The following HK1 variants were observed in gnomAD, a reference collection of about 807,000 sequenced individuals.
HK1 encodes hexokinase-1.
A neutral mutation model predicts 91.6 loss-of-function variants in HK1; 28 were observed. That is an observed-to-expected ratio of 0.31 (90% confidence interval 0.23 to 0.42). The LOEUF (loss-of-function observed/expected upper bound fraction) is 0.42, where lower values mean the gene tolerates loss of function less well. Ranked by LOEUF, HK1 falls within the 10% of genes least tolerant of loss-of-function variation. The pLI is 1.00. For missense variants in HK1, 770 were observed against 1,219.8 expected (o/e 0.63, Z 5.49); for synonymous variants, 430 against 468.1 (o/e 0.92, Z 1.05).
intron 4 of HK1, among the ~76,000 whole-genome samples, chr10:69,297,101 T>C (rs1040066882): frequency 3.9e-5 from 6 of 152,182 alleles, no homozygotes; most frequent in African/African-American, 1.4e-4. Flanking sequence ...AAAACCAAAC[T>C]GCTAAAACTA....
intron 5 of HK1, among the ~76,000 whole-genome samples, chr10:69,309,329 C>T (rs1294768340): frequency 6.7e-6 from 1 of 150,302 alleles, no homozygotes; most frequent in Non-Finnish European, 1.5e-5. Flanking sequence ...CTACAGGCAC[C>T]CGCCACCACG....
intron 1 of HK1, among the ~76,000 whole-genome samples, chr10:69,320,513 G>A (rs1846951873): frequency 6.6e-6 from 1 of 152,170 alleles, no homozygotes; most frequent in Admixed American, 6.5e-5. Flanking sequence ...GCGGGTGTGT[G>A]CATTTCATGA....
intron 3 of HK1, among the ~76,000 whole-genome samples, chr10:69,361,603 A>G (rs541352141): frequency 1.3e-5 from 2 of 152,136 alleles, no homozygotes; most frequent in Non-Finnish European, 2.9e-5. Flanking sequence ...TTGACCTTTT[A>G]GGAGCAAGGT....
chr10:69,285,145 A>G (rs879354322), intron 2 of HK1, among the ~76,000 whole-genome samples: 4 of 152,116 alleles, frequency 2.6e-5, no homozygotes, highest in Admixed American at 1.3e-4. Context: ...TAAAAAAACA[A>G]ACAAACAGGC....
intron 1 of HK1, among the ~76,000 whole-genome samples, chr10:69,325,462 A>T (rs1847292820): frequency 6.7e-6 from 1 of 150,164 alleles, no homozygotes; most frequent in South Asian, 2.1e-4. Flanking sequence ...GGTTCAAGCG[A>T]TTCTCCTGCC....
At position 69,401,159 on chromosome 10, in the gene HK1, G is replaced by A. The variant is rs1399735466; in HGVS notation, c.*24G>A. On this transcript the variant is annotated 3_prime_UTR_variant, in exon 18 of 18. Transcript: ENST00000359426. The stretch of plus-strand genomic sequence containing the variant: ...AAGAGTCCGGGATCCCCAGCCTACT[G>A]CCTCTCCAGCACTTCTCTCTTCAAG... 9.9e-6 allele frequency: 16 copies of A among 1,608,616 alleles called. No individual in the cohort carries two copies. Among genetic ancestry groups the A allele is most frequent in the East Asian group, 2.2e-5 (1 of 44,730 alleles).
At position 69,369,147 on chromosome 10, in the gene HK1, A is replaced by G. The variant is rs1433901682; in HGVS notation, c.592-90A>G. 8 of 929,184 alleles carry G rather than the reference A, an allele frequency of 8.6e-6. No individual in the cohort carries two copies. The highest frequency in any genetic ancestry group is 1.2e-5 in the Non-Finnish European group (7 of 568,538). 57.6% of individuals were successfully genotyped at this position (929,184 alleles called of 1,614,324 possible). A position where few individuals can be genotyped will look rare whatever the true frequency, so the allele number is the denominator to read the frequency against. On this transcript the variant is annotated intron_variant, in intron 5 of 17. Coordinates refer to ENST00000359426, the MANE Select transcript of HK1 (RefSeq NM_000188.3). The surrounding 1 kb of genome is among the most constrained non-coding windows in gnomAD (Gnocchi z 4.4). ...CACTCACAAAAGCAGGGGTTCTGAA[A>G]ACGGGAGCACTTCTGCCAAGCGCTG...
Position 69,359,255 on chromosome 10 carries a change from T to C in HK1, c.227-642T>C, listed in dbSNP as rs78282113. On this transcript the variant is annotated intron_variant, in intron 2 of 17. Transcript: ENST00000359426. ...GGTGAGGGGAAATGGAAATTATTGC[T>C]TAATGGTTATAGAGTTTGTGTTGGG... Among the ~76,000 whole-genome samples the C allele has an allele frequency of 6.0e-3, 913 of 152,250 alleles. 10 individuals are homozygous for C. Among genetic ancestry groups the C allele is most frequent in the African/African-American group, 0.02 (850 of 41,540 alleles).
chr10:69,282,301 C>T (rs1440578458), intron 1 of HK1, among the ~76,000 whole-genome samples: 1 of 152,164 alleles, frequency 6.6e-6, no homozygotes, highest in Non-Finnish European at 1.5e-5. Flanking sequence ...TTTCTGTCCC[C>T]ACACCCAAGG....
At chr10:69,340,769 G>A (rs895162635) in intron 1 of HK1, among the ~76,000 whole-genome samples, 1 of 152,126 alleles carries the variant, frequency 6.6e-6, no homozygotes, top group Admixed American at 6.6e-5. Flanking sequence ...TCTCATCATG[G>A]TTGTAATCAG....
intron 4 of HK1, 94 bp from the exon 5 acceptor site, chr10:69,368,442 T>G (rs1210141198): frequency 2.7e-6 from 3 of 1,115,976 alleles, no homozygotes; most frequent in Admixed American, 3.5e-5. Context: ...CCCTATGGGC[T>G]TCTGCTTCAT....
At chr10:69,310,169 C>T (rs1325877286) in intron 5 of HK1, among the ~76,000 whole-genome samples, 1 of 150,662 alleles carries the variant, frequency 6.6e-6, no homozygotes. Flanking sequence ...ACCTGTAATC[C>T]CAGTACTTTG....
Position 69,401,125 on chromosome 10 carries a change from C to G in HK1, c.2744C>G (p.Ala915Gly), listed in dbSNP as rs1195746428. ...TAVGVRLRTEASS is the reference protein window; with the variant it reads ...TAVGVRLRTEGSS Reference sequence around the variant, plus strand: ...GTGGGCGTGCGGTTACGCACAGAGGCAAGCAGCTAAGAGTCCGGGATCCCC... The same window carrying G: ...GTGGGCGTGCGGTTACGCACAGAGGGAAGCAGCTAAGAGTCCGGGATCCCC... Residue 915 changes from alanine (A) to glycine (G), a missense_variant, in exon 18 of 18, where the codon GCA (alanine) becomes GGA (glycine). This residue lies in a region of HK1 where 15 missense variants were observed against 21.7 expected (regional missense o/e 0.69). Transcript: ENST00000359426. 9 of 1,613,814 alleles carry G rather than the reference C, an allele frequency of 5.6e-6. No individual in the cohort carries two copies. In the Admixed American group the frequency reaches 1.5e-4, roughly 27 times the overall value.
intron 4 of HK1, among the ~76,000 whole-genome samples, chr10:69,296,937 G>C (rs916648824): frequency 3.3e-5 from 5 of 152,322 alleles, no homozygotes; most frequent in Middle Eastern, 3.4e-3. Context: ...GGGGGCATAA[G>C]TGTAGTGAGA....
Position 69,273,116 on chromosome 10 carries a change from C to T in HK1, c.-391+3008C>T, listed in dbSNP as rs147967424. Reference sequence around the variant, plus strand: ...TGCAATCTCAGCTCACTGAAATTTCCGCCTCTTGGGTTCAAGCAATTCTCC... The same window carrying T: ...TGCAATCTCAGCTCACTGAAATTTCTGCCTCTTGGGTTCAAGCAATTCTCC... On this transcript the variant is annotated intron_variant, in intron 1 of 21. Transcript: ENST00000360289. 4.8e-3 allele frequency among the ~76,000 whole-genome samples: 722 copies of T among 151,210 alleles called. 6 individuals carry two copies. The highest frequency in any genetic ancestry group is 0.016 in the African/African-American group (673 of 41,146).
At chr10:69,275,278 T>C (rs61176859) in intron 1 of HK1, among the ~76,000 whole-genome samples, 2,728 of 151,728 alleles carry the variant, frequency 0.018, 88 homozygotes, top group African/African-American at 0.062. Context: ...CTCAGTACTT[T>C]GGGAGGCCAA....
chr10:69,371,316 A>ACCCCCCCCCCCCCCCC (rs59530954), intron 7 of HK1, among the ~76,000 whole-genome samples: 2 of 131,218 alleles, frequency 1.5e-5, no homozygotes, highest in African/African-American at 5.8e-5. Flanking sequence ...TTTTTACCAT[A>ACCCCCCCCCCCCCCCC]CCCCCCCCCA....
At chr10:69,315,336 T>A (rs1397428886), upstream of HK1, among the ~76,000 whole-genome samples, 1 of 152,198 alleles carries the variant, frequency 6.6e-6, no homozygotes, top group Non-Finnish European at 1.5e-5. Flanking sequence ...GGTACAGACA[T>A]TCCAACTTAG....
intron 3 of HK1, among the ~76,000 whole-genome samples, chr10:69,360,950 A>T (rs959299227): frequency 3.9e-5 from 6 of 152,194 alleles, no homozygotes; most frequent in Admixed American, 1.3e-4. Flanking sequence ...GTTTGCTTTA[A>T]GGAGGGTGTG....
Sources: allele counts gnomAD v4.1 joint callset (sites outside exome capture counted in the v4.1 genomes callset), GRCh38; gene constraint gnomAD v4.1.1; regional missense constraint gnomAD v4.1.1; non-coding constraint Gnocchi (gnomAD v3.1); transcripts MANE v1.5; gene names NCBI Gene and HGNC (gene_info 2026-07-23, HGNC 2026-07-21).